The following TNIK variants were observed in gnomAD, a reference collection of about 807,000 sequenced individuals.
TNIK encodes the protein TRAF2 and NCK-interacting protein kinase.
Under a neutral mutation model 191.3 loss-of-function variants are expected in TNIK, and 49 were observed. The observed-to-expected ratio is 0.26, with a 90% CI of 0.20 to 0.32. The LOEUF is 0.32. Among genes scored for constraint, TNIK ranks in the 10% least tolerant of loss-of-function variants. The probability of loss-of-function intolerance (pLI) is 1.00; values close to 1 mark genes in which losing one functional copy is unlikely to be tolerated. For synonymous variants in TNIK, 594 were observed against 600.9 expected, an observed-to-expected ratio of 0.99 and a Z score of 0.17; for missense variants, 1,155 against 1,702.3, an observed-to-expected ratio of 0.68 and a Z score of 5.66.
At chr3:171,337,539 T>C (rs377371239) in intron 2 of TNIK, among the ~76,000 whole-genome samples, 27 of 152,322 alleles carry the variant, frequency 1.8e-4, no homozygotes, top group African/African-American at 6.5e-4. Flanking sequence ...ATTTCATTCT[T>C]GAGGTTGGTC....
chr3:171,384,821 A>T (rs1289854915), intron 1 of TNIK, among the ~76,000 whole-genome samples: 1 of 152,216 alleles, frequency 6.6e-6, no homozygotes, highest in South Asian at 2.1e-4. Context: ...AAATGACTTC[A>T]TCGTTTATAA....
At chr3:171,146,903 A>AG (rs1731683196) in intron 12 of TNIK, among the ~76,000 whole-genome samples, 1 of 151,330 alleles carries the variant, frequency 6.6e-6, no homozygotes, top group Admixed American at 6.6e-5. Flanking sequence ...CAAAAAAAAA[A>AG]AAAAAAAAAA....
intron 3 of TNIK, among the ~76,000 whole-genome samples, chr3:171,224,007 C>T (rs184568673): frequency 6.6e-6 from 1 of 152,222 alleles, no homozygotes; most frequent in South Asian, 2.1e-4. Flanking sequence ...CCAGCCCAGG[C>T]GTGGACTGGA....
intron 3 of TNIK, among the ~76,000 whole-genome samples, chr3:171,222,290 T>C (rs1045389228): frequency 6.6e-6 from 1 of 152,126 alleles, no homozygotes; most frequent in Non-Finnish European, 1.5e-5. Context: ...TTACTATCCA[T>C]GAGGCTTGGG....
intron 2 of TNIK, among the ~76,000 whole-genome samples, chr3:171,357,936 C>CT (rs1252339494): frequency 2.0e-5 from 3 of 152,052 alleles, no homozygotes. Flanking sequence ...GAACCTGTGA[C>CT]TGGGGATGTA....
chr3:171,378,412 C>A (rs1213545327), intron 1 of TNIK, among the ~76,000 whole-genome samples: 2 of 152,034 alleles, frequency 1.3e-5, no homozygotes, highest in Admixed American at 1.3e-4. Flanking sequence ...AATGGTAGTA[C>A]CCACTTTGCT....
chr3:171,089,875 C>T (rs1050397883), intron 23 of TNIK, among the ~76,000 whole-genome samples: 11 of 152,172 alleles, frequency 7.2e-5, no homozygotes, highest in African/African-American at 2.2e-4. Flanking sequence ...TTATCTTGCC[C>T]TGAGTGACAC....
At chr3:171,264,061 TATAC>T (rs1300227496) in intron 2 of TNIK, among the ~76,000 whole-genome samples, 2 of 112,720 alleles carry the variant, frequency 1.8e-5, no homozygotes, top group Non-Finnish European at 3.5e-5. Context: ...TGTGTATATA[TATAC>T]ATACACACAC....
At chr3:171,110,467 G>C (rs938195004) in intron 19 of TNIK, among the ~76,000 whole-genome samples, 4 of 152,140 alleles carry the variant, frequency 2.6e-5, no homozygotes, top group African/African-American at 9.7e-5. Flanking sequence ...CTGATATTTG[G>C]TGATCTCCCT....
rs1165296204 is a variant in TNIK, at chr3:171,399,917, A to T, written c.58-30232T>A. 4.6e-5 allele frequency among the ~76,000 whole-genome samples: 7 copies of T among 152,216 alleles called. No individual in the cohort carries two copies. In the East Asian group the frequency reaches 1.2e-3, roughly 25 times the overall value. On this transcript the variant is annotated intron_variant, in intron 1 of 32. Coordinates refer to ENST00000436636, the MANE Select transcript of TNIK (RefSeq NM_015028.4). ...AGGAGGTGGGGAAGTAATAAAAATC[A>T]AAGCAGAAAGGAGTAAAAAGTTATT...
chr3:171,459,159 A>C (rs1729111041), intron 1 of TNIK, among the ~76,000 whole-genome samples: 1 of 151,504 alleles, frequency 6.6e-6, no homozygotes, highest in South Asian at 2.1e-4. Context: ...AACGCAAACC[A>C]GTGGGGCTGG....
chr3:171,288,625 G>C (rs1751321095), intron 2 of TNIK, among the ~76,000 whole-genome samples: 1 of 151,980 alleles, frequency 6.6e-6, no homozygotes, highest in Non-Finnish European at 1.5e-5. Context: ...TGGCTAACAT[G>C]GTAAAACCCC....
chr3:171,132,154 A>G (rs897229184), intron 15 of TNIK, among the ~76,000 whole-genome samples: 12 of 152,264 alleles, frequency 7.9e-5, no homozygotes, highest in African/African-American at 2.9e-4. Context: ...GTGTTCCAGT[A>G]CCATCAGGTA....
chr3:171,386,247 C>G (rs1211888197), intron 1 of TNIK, among the ~76,000 whole-genome samples: 1 of 152,144 alleles, frequency 6.6e-6, no homozygotes, highest in Non-Finnish European at 1.5e-5. Context: ...ATACATGTAT[C>G]TTCACATCAT....
chr3:171,326,883 C>T (rs1236482513), intron 2 of TNIK, among the ~76,000 whole-genome samples: 1 of 152,142 alleles, frequency 6.6e-6, no homozygotes, highest in Non-Finnish European at 1.5e-5. Context: ...ACCTAGTCTG[C>T]TTATATTTTT....
chr3:171,071,866 G>T (rs994554723), intron 28 of TNIK, among the ~76,000 whole-genome samples: 1 of 152,130 alleles, frequency 6.6e-6, no homozygotes, highest in African/African-American at 2.4e-5. Flanking sequence ...GGCTTAAAGG[G>T]CTACGAATAC....
At chr3:171,292,890 A>G (rs527391360) in intron 2 of TNIK, among the ~76,000 whole-genome samples, 3 of 151,908 alleles carry the variant, frequency 2.0e-5, no homozygotes, top group South Asian at 2.1e-4. Context: ...TCACTCGCCA[A>G]TGGCCACAGG....
intron 23 of TNIK, 139 bp from the exon 24 acceptor site, chr3:171,087,645 TTTTAC>T: frequency 1.0e-6 from 1 of 980,014 alleles, no homozygotes. Context: ...CACATTTCTA[TTTTAC>T]TTAAGAAAAC....
chr3:171,232,002 C>T (rs1310356685), intron 2 of TNIK, among the ~76,000 whole-genome samples: 2 of 152,066 alleles, frequency 1.3e-5, no homozygotes, highest in Non-Finnish European at 2.9e-5. Flanking sequence ...AAATATCGAA[C>T]CAGTCATCTT....
Sources: allele counts gnomAD v4.1 joint callset (sites outside exome capture counted in the v4.1 genomes callset), GRCh38; gene constraint gnomAD v4.1.1; transcripts MANE v1.5; gene names NCBI Gene and HGNC (gene_info 2026-07-23, HGNC 2026-07-21).